PCCA: variants seen among roughly 807,000 people sequenced by gnomAD.
The protein encoded by PCCA is propionyl-CoA carboxylase alpha chain, mitochondrial.
In PCCA, 74 loss-of-function variants were observed where a neutral mutation model predicts 101.3. The observed-to-expected ratio is 0.73, with a 90% CI of 0.61 to 0.89. The LOEUF (loss-of-function observed/expected upper bound fraction) is 0.89, where lower values mean the gene tolerates loss of function less well. Among genes scored for constraint, PCCA ranks in the 40% least tolerant of loss-of-function variants. The pLI, the probability that PCCA is intolerant of heterozygous loss-of-function variation, is 0.00. For synonymous variants in PCCA, 294 were observed against 313.6 expected (o/e 0.94, Z 0.66); for missense variants, 891 against 907.0 (o/e 0.98, Z 0.23).
Position 100,102,034 on chromosome 13 carries a change from G to C in PCCA, c.106-849G>C, listed in dbSNP as rs9585346. Among the ~76,000 whole-genome samples the C allele has an allele frequency of 3.9e-5, 6 of 152,138 alleles. No homozygotes were observed. In the East Asian group the frequency reaches 1.2e-3, roughly 29 times the overall value. ...GGTACCTGTTGGTTGCCTTTTGCTG[G>C]TTTTTTTCCTCCATTTTTTTCCTTC... On this transcript the variant is annotated intron_variant, in intron 1 of 23. Coordinates refer to ENST00000376285, the MANE Select transcript of PCCA (RefSeq NM_000282.4).
intron 7 of PCCA, among the ~76,000 whole-genome samples, chr13:100,218,547 A>T (rs1244441168): frequency 6.6e-6 from 1 of 152,124 alleles, no homozygotes; most frequent in African/African-American, 2.4e-5. Flanking sequence ...TCATGTGGTA[A>T]TTCTTTGTTC....
chr13:100,163,818 C>G (rs939315078), intron 6 of PCCA, among the ~76,000 whole-genome samples: 14 of 151,536 alleles, frequency 9.2e-5, no homozygotes, highest in African/African-American at 3.4e-4. Flanking sequence ...TTCTGTTTTC[C>G]TTTTCTGACT....
chr13:100,140,898 T>C (rs2051786867), intron 4 of PCCA, among the ~76,000 whole-genome samples: 2 of 152,194 alleles, frequency 1.3e-5, no homozygotes, highest in Admixed American at 6.5e-5. Context: ...GGTAAAAGTT[T>C]GGTTAGATAA....
At position 100,118,620 on chromosome 13, in the gene PCCA, A is replaced by G. The variant is rs111726658; in HGVS notation, c.300+6559A>G. ...GCTGGAGTGCAGTGGTGAGATTATA[A>G]CTCACTGCAGCCTGACTTCCTGGGC... is the stretch of plus-strand genomic sequence containing the variant. On this transcript the variant is annotated intron_variant, in intron 4 of 23. Coordinates refer to ENST00000376285, the MANE Select transcript of PCCA (RefSeq NM_000282.4). Among the ~76,000 whole-genome samples the G allele has an allele frequency of 2.8e-3, 425 of 151,978 alleles. 4 individuals are homozygous for G. The highest frequency in any genetic ancestry group is 9.7e-3 in the African/African-American group (402 of 41,462).
At chr13:100,239,502 A>G (rs977988768) in intron 8 of PCCA, among the ~76,000 whole-genome samples, 1 of 152,142 alleles carries the variant, frequency 6.6e-6, no homozygotes, top group African/African-American at 2.4e-5. Flanking sequence ...TGTTACTTGT[A>G]TGTATTTGTT....
At chr13:100,520,719 TGAG>T (rs748443400) in intron 22 of PCCA, among the ~76,000 whole-genome samples, 10 of 149,300 alleles carry the variant, frequency 6.7e-5, no homozygotes, top group Admixed American at 2.0e-4. Context: ...CAGAAAAAGA[TGAG>T]GAGGTAAAAA....
chr13:100,301,410 T>C, intron 12 of PCCA, 50 bp from the exon 13 acceptor site: 1 of 1,606,532 alleles, frequency 6.2e-7, no homozygotes, highest in Non-Finnish European at 8.5e-7. Flanking sequence ...TTTGTTTCTA[T>C]TTATTTACCC....
chr13:100,265,128 C>A (rs1181019524), intron 10 of PCCA, among the ~76,000 whole-genome samples: 2 of 152,204 alleles, frequency 1.3e-5, no homozygotes, highest in East Asian at 3.8e-4. Flanking sequence ...CTTCTCCCTT[C>A]ATGCGGCTTG....
At chr13:100,467,484 G>A (rs1190044130) in intron 21 of PCCA, among the ~76,000 whole-genome samples, 2 of 152,158 alleles carry the variant, frequency 1.3e-5, no homozygotes, top group African/African-American at 2.4e-5. Context: ...CTATTCTTCT[G>A]CCCAGCCTCT....
At chr13:100,095,725 G>A (rs1164650792) in intron 1 of PCCA, among the ~76,000 whole-genome samples, 1 of 152,196 alleles carries the variant, frequency 6.6e-6, no homozygotes, top group Non-Finnish European at 1.5e-5. Context: ...TGTGGTTGGA[G>A]TGAACTGAAT....
chr13:100,148,527 C>T (rs752910769), intron 4 of PCCA, among the ~76,000 whole-genome samples: 3 of 150,152 alleles, frequency 2.0e-5, no homozygotes, highest in Non-Finnish European at 4.4e-5. Flanking sequence ...TGCTTGAATA[C>T]TTGATGTCTC....
chr13:100,478,131 G>A (rs772328803), intron 21 of PCCA, among the ~76,000 whole-genome samples: 1 of 152,226 alleles, frequency 6.6e-6, no homozygotes, highest in African/African-American at 2.4e-5. Flanking sequence ...ACCCTGAAGA[G>A]GAATGGTAGG....
intron 19 of PCCA, among the ~76,000 whole-genome samples, chr13:100,423,112 C>CT (rs943790624): frequency 1.9e-4 from 29 of 151,404 alleles, no homozygotes; most frequent in Non-Finnish European, 2.2e-4. Flanking sequence ...AGGCTACAGC[C>CT]TTTTTTTTGG....
intron 18 of PCCA, among the ~76,000 whole-genome samples, chr13:100,351,977 AAT>A (rs1215639575): frequency 6.6e-6 from 1 of 152,214 alleles, no homozygotes. Context: ...TTCAAATTGT[AAT>A]GCCCGGGGTA....
At chr13:100,151,029 G>C (rs2053248399) in intron 4 of PCCA, 5 of 1,547,504 alleles carry the variant, frequency 3.2e-6, no homozygotes, top group Middle Eastern at 4.4e-4. Flanking sequence ...CGGACCCTCA[G>C]AAGAAAGCGC....
rs867315913 is a variant in PCCA, at chr13:100,530,096, A to G, written c.2119-2A>G. On this transcript the variant is annotated splice_acceptor_variant, in intron 23 of 23. Transcript: ENST00000376285. LOFTEE classifies it high-confidence loss of function. ...CTCCCCCTGCATTTTTCAAAATTCA[A>G]GGTGAAATCTGTGCACTGTCAAGCT... 1 of 1,613,320 alleles carries G rather than the reference A, an allele frequency of 6.2e-7. No homozygotes were observed.
intron 6 of PCCA, 44 bp from the exon 7 acceptor site, chr13:100,209,288 C>G (rs190679095): frequency 6.3e-7 from 1 of 1,582,530 alleles, no homozygotes; most frequent in Admixed American, 1.7e-5. Context: ...ACATCATGCT[C>G]CGTAATGTTC....
intron 12 of PCCA, among the ~76,000 whole-genome samples, chr13:100,280,155 C>T (rs1011736278): frequency 3.3e-5 from 5 of 151,968 alleles, no homozygotes; most frequent in African/African-American, 7.2e-5. Flanking sequence ...TAGTTGGTTC[C>T]GTTGACTGGT....
intron 12 of PCCA, among the ~76,000 whole-genome samples, chr13:100,283,140 C>T (rs2064277192): frequency 6.6e-6 from 1 of 152,120 alleles, no homozygotes. Flanking sequence ...TTCGACCTCG[C>T]TTGGAGAGAC....
Sources: gnomAD v4.1 joint callset for allele counts (sites outside exome capture counted in the v4.1 genomes callset) on GRCh38, gnomAD v4.1.1 for gene constraint, MANE v1.5 for transcripts, NCBI Gene and HGNC (gene_info 2026-07-23, HGNC 2026-07-21) for gene names.